Variants in OTOGL observed in about 807,000 individuals in gnomAD.
OTOGL encodes the protein otogelin-like protein.
Under a neutral mutation model 318.5 loss-of-function variants are expected in OTOGL, and 285 were observed. That is an observed-to-expected ratio of 0.89 (90% CI 0.81 to 0.99). The LOEUF is 0.99. Ranked by LOEUF, OTOGL falls within the 50% of genes least tolerant of loss-of-function variation. The pLI, the probability that OTOGL is intolerant of heterozygous loss-of-function variation, is 0.00. For synonymous variants in OTOGL, 987 were observed against 936.5 expected (o/e 1.05, Z -0.99); for missense variants, 2,899 against 2,845.6 (o/e 1.02, Z -0.43).
chr12:80,322,287 C>T (rs1887389966), intron 34 of OTOGL, among the ~76,000 whole-genome samples: 1 of 152,176 alleles, frequency 6.6e-6, no homozygotes, highest in South Asian at 2.1e-4. Context: ...TTGACCTTTA[C>T]AGGCCTCTAT....
intron 29 of OTOGL, among the ~76,000 whole-genome samples, chr12:80,308,925 C>T (rs945006002): frequency 1.3e-5 from 2 of 152,076 alleles, no homozygotes; most frequent in African/African-American, 4.8e-5. Flanking sequence ...CAGTACCGTC[C>T]AGCTTCGGCT....
intron 1 of OTOGL, among the ~76,000 whole-genome samples, chr12:80,174,677 C>T (rs1431979945): frequency 6.6e-6 from 1 of 152,104 alleles, no homozygotes; most frequent in East Asian, 1.9e-4. Flanking sequence ...TATCTCCCAA[C>T]AGTATTAGCT....
At chr12:80,366,759 T>C in intron 53 of OTOGL, 122 bp downstream of exon 53, 1 of 278,328 alleles carries the variant, frequency 3.6e-6, no homozygotes, top group Admixed American at 5.3e-5. Flanking sequence ...TTTGCCAGTA[T>C]TTGAGTATAA....
chr12:80,311,972 C>T (rs1396628336), intron 30 of OTOGL, among the ~76,000 whole-genome samples: 2 of 152,060 alleles, frequency 1.3e-5, no homozygotes, highest in African/African-American at 2.4e-5. Flanking sequence ...AAATTTTCCA[C>T]ATGACCAATG....
intron 28 of OTOGL, among the ~76,000 whole-genome samples, chr12:80,303,666 G>T (rs1326800873): frequency 6.6e-6 from 1 of 152,186 alleles, no homozygotes; most frequent in African/African-American, 2.4e-5. Flanking sequence ...AGGCAAAGGG[G>T]AAGCAATCAA....
intron 1 of OTOGL, chr12:80,131,885 TTCTG>T (rs1350541522): frequency 6.6e-6 from 1 of 152,208 alleles, no homozygotes; most frequent in East Asian, 1.9e-4. Context: ...TCAAAACTAT[TTCTG>T]TCTGATTCCA....
chr12:80,240,352 G>T (rs1880269644), intron 11 of OTOGL, among the ~76,000 whole-genome samples: 1 of 151,910 alleles, frequency 6.6e-6, no homozygotes, highest in African/African-American at 2.4e-5. Flanking sequence ...AATCCCTTTT[G>T]GGAGTCTAGA....
intron 9 of OTOGL, among the ~76,000 whole-genome samples, chr12:80,235,817 A>G (rs1394649298): frequency 6.6e-6 from 1 of 152,188 alleles, no homozygotes; most frequent in Non-Finnish European, 1.5e-5. Context: ...CTTCTTCACA[A>G]TGTTATTTGC....
intron 24 of OTOGL, among the ~76,000 whole-genome samples, chr12:80,276,946 T>C (rs1883852685): frequency 6.6e-6 from 1 of 151,378 alleles, no homozygotes; most frequent in Non-Finnish European, 1.5e-5. Flanking sequence ...ACATGAGAAA[T>C]TATTTCTGTT....
chr12:80,112,573 C>T (rs1377901700), intron 1 of OTOGL, among the ~76,000 whole-genome samples: 1 of 152,098 alleles, frequency 6.6e-6, no homozygotes, highest in Non-Finnish European at 1.5e-5. Flanking sequence ...TTGAACCAGC[C>T]TTGTATCCCA....
intron 4 of OTOGL, among the ~76,000 whole-genome samples, chr12:80,216,843 T>C (rs1877770314): frequency 6.6e-6 from 1 of 152,138 alleles, no homozygotes; most frequent in Non-Finnish European, 1.5e-5. Flanking sequence ...TATATTTAAA[T>C]GCTAAATGAC....
chr12:80,139,795 T>C (rs1871811044), intron 1 of OTOGL, among the ~76,000 whole-genome samples: 1 of 152,152 alleles, frequency 6.6e-6, no homozygotes, highest in African/African-American at 2.4e-5. Flanking sequence ...TTAGAAACAT[T>C]ATGCCTAGGA....
At position 80,353,520 on chromosome 12, in the gene OTOGL, A is replaced by T. The variant is rs1889690566; in HGVS notation, c.5593+10A>T. On this transcript the variant is annotated intron_variant, in intron 46 of 58. Transcript: ENST00000547103. ...CCAGAGAAAGAGTGTGGTAAGACACAAAGTACAAAATGACTTCTCAGGAAT... is the reference window on the plus strand; with the variant it reads ...CCAGAGAAAGAGTGTGGTAAGACACTAAGTACAAAATGACTTCTCAGGAAT... The T allele has an allele frequency of 6.6e-7, 1 of 1,514,508 alleles. No homozygotes were observed. The allele number at this position is 1,514,508 out of a possible 1,614,324, so 93.8% of individuals were successfully genotyped here.
intron 1 of OTOGL, chr12:80,130,986 C>T (rs1034178168): frequency 6.6e-6 from 1 of 152,168 alleles, no homozygotes; most frequent in Non-Finnish European, 1.5e-5. Flanking sequence ...ATTCATTCCC[C>T]CCAAAGGGTT....
At chr12:80,152,913 C>G (rs7976086) in intron 1 of OTOGL, among the ~76,000 whole-genome samples, 64,756 of 152,082 alleles carry the variant, frequency 0.43, 13,952 homozygotes, top group East Asian at 0.49. Flanking sequence ...AGGCAGGTGC[C>G]AATTTCGTAA....
intron 52 of OTOGL, among the ~76,000 whole-genome samples, chr12:80,364,855 A>G (rs867499713): frequency 2.6e-5 from 4 of 152,154 alleles, no homozygotes; most frequent in Non-Finnish European, 5.9e-5. Flanking sequence ...GATGACCAAC[A>G]GCACATGAGA....
intron 29 of OTOGL, among the ~76,000 whole-genome samples, chr12:80,307,760 C>T (rs1487376011): frequency 1.4e-5 from 2 of 145,358 alleles, no homozygotes; most frequent in African/African-American, 2.6e-5. Context: ...CCACCTCCCT[C>T]CCGGACGGGG....
intron 35 of OTOGL, among the ~76,000 whole-genome samples, chr12:80,326,812 T>A (rs1887702958): frequency 6.6e-6 from 1 of 152,224 alleles, no homozygotes; most frequent in East Asian, 1.9e-4. Flanking sequence ...TAAACCTCAT[T>A]AAGACAGAAG....
At chr12:80,281,360 G>A (rs73358960) in intron 26 of OTOGL, among the ~76,000 whole-genome samples, 17,362 of 151,578 alleles carry the variant, frequency 0.11, 1,782 homozygotes, top group African/African-American at 0.28. Context: ...ATATTTTGAG[G>A]TATGTTCCTC....
Sources: allele counts gnomAD v4.1 joint callset (sites outside exome capture counted in the v4.1 genomes callset), GRCh38; gene constraint gnomAD v4.1.1; transcripts MANE v1.5; gene names NCBI Gene and HGNC (gene_info 2026-07-23, HGNC 2026-07-21).